The following CDH13 variants were observed in gnomAD, a reference collection of about 807,000 sequenced individuals.
The protein encoded by CDH13 is cadherin 13, also known as cadherin-13.
In CDH13, 24 loss-of-function variants were observed where a neutral mutation model predicts 63.8. That is an observed-to-expected ratio of 0.38 (90% CI 0.27 to 0.53). The LOEUF (loss-of-function observed/expected upper bound fraction) is 0.53, where lower values mean the gene tolerates loss of function less well. Ranked by LOEUF, CDH13 falls within the 20% of genes least tolerant of loss-of-function variation. The pLI, the probability that CDH13 is intolerant of heterozygous loss-of-function variation, is 0.85. For synonymous variants in CDH13, 503 were observed against 355.3 expected, an observed-to-expected ratio of 1.42 and a Z score of -4.67; for missense variants, 1,049 against 903.1, an observed-to-expected ratio of 1.16 and a Z score of -2.07.
intron 10 of CDH13, among the ~76,000 whole-genome samples, chr16:83,701,085 G>A (rs972268215): frequency 3.3e-5 from 5 of 152,298 alleles, no homozygotes; most frequent in South Asian, 2.1e-4. Context: ...CTAGACAGTC[G>A]TGTGAGTGCT....
At chr16:83,560,868 C>T (rs1412268833) in intron 7 of CDH13, among the ~76,000 whole-genome samples, 1 of 151,220 alleles carries the variant, frequency 6.6e-6, no homozygotes, top group Non-Finnish European at 1.5e-5. Flanking sequence ...AGCCATGGTG[C>T]TGTGGCAAGG....
At chr16:83,399,833 C>G (rs1447153434) in intron 6 of CDH13, among the ~76,000 whole-genome samples, 2 of 152,150 alleles carry the variant, frequency 1.3e-5, no homozygotes, top group Non-Finnish European at 2.9e-5. Context: ...GTGCCTCACA[C>G]AAGCAGGCAT....
intron 3 of CDH13, among the ~76,000 whole-genome samples, chr16:83,123,026 G>T (rs140227679): frequency 1.9e-4 from 29 of 152,084 alleles, no homozygotes; most frequent in African/African-American, 6.3e-4. Flanking sequence ...GAAAATATGC[G>T]GCATTTTTCT....
chr16:83,556,329 GA>G (rs2075601799), intron 7 of CDH13, among the ~76,000 whole-genome samples: 1 of 152,182 alleles, frequency 6.6e-6, no homozygotes, highest in African/African-American at 2.4e-5. Flanking sequence ...ATAGTATGAG[GA>G]AGCAGGAGGA....
intron 1 of CDH13, chr16:82,825,206 C>G (rs2038184752): frequency 6.6e-6 from 1 of 152,124 alleles, no homozygotes; most frequent in African/African-American, 2.4e-5. Flanking sequence ...TTTCCAAGGG[C>G]TTTTTATCGA....
chr16:83,322,031 G>C (rs556217589), intron 5 of CDH13, among the ~76,000 whole-genome samples: 1 of 152,298 alleles, frequency 6.6e-6, no homozygotes, highest in Admixed American at 6.5e-5. Context: ...GAGACAGCAG[G>C]GACTTCAGCA....
chr16:83,329,435 C>G (rs2090435923), intron 5 of CDH13, among the ~76,000 whole-genome samples: 1 of 151,390 alleles, frequency 6.6e-6, no homozygotes, highest in Admixed American at 6.6e-5. Flanking sequence ...TGGGGTTTCG[C>G]CATGTTGGCG....
At chr16:82,636,544 T>G (rs952295097) in intron 1 of CDH13, among the ~76,000 whole-genome samples, 4 of 152,230 alleles carry the variant, frequency 2.6e-5, no homozygotes, top group Non-Finnish European at 5.9e-5. Flanking sequence ...TCAGCAGCAC[T>G]GGAAATATGT....
At chr16:83,119,584 C>G (rs952612313) in intron 3 of CDH13, among the ~76,000 whole-genome samples, 2 of 152,200 alleles carry the variant, frequency 1.3e-5, no homozygotes, top group African/African-American at 4.8e-5. Flanking sequence ...GTAACTGTCT[C>G]TTGAATTGAT....
At position 82,995,538 on chromosome 16, in the gene CDH13, C is replaced by T. The variant is rs115570852; in HGVS notation, c.158-36472C>T. Among the ~76,000 whole-genome samples the T allele has an allele frequency of 8.7e-3, 1,331 of 152,276 alleles. 24 individuals carry two copies. The highest frequency in any genetic ancestry group is 0.03 in the African/African-American group (1,248 of 41,548). ...ATGGCAACAGGATGCATCCCCAATA[C>T]CATCAAGCCACCATTCCAATTCTGG... On this transcript the variant is annotated intron_variant, in intron 2 of 13. Coordinates refer to ENST00000567109, the MANE Select transcript of CDH13 (RefSeq NM_001257.5).
intron 6 of CDH13, among the ~76,000 whole-genome samples, chr16:83,444,521 C>T (rs935225909): frequency 6.6e-6 from 1 of 152,120 alleles, no homozygotes; most frequent in Non-Finnish European, 1.5e-5. Context: ...CAAGGGCACC[C>T]ACCTGATGAG....
chr16:82,839,321 G>A (rs948012957), intron 1 of CDH13, among the ~76,000 whole-genome samples: 1 of 152,190 alleles, frequency 6.6e-6, no homozygotes, highest in Admixed American at 6.5e-5. Context: ...TTACTGGCAT[G>A]TTGCTTTATG....
At chr16:83,092,545 A>G (rs969824658) in intron 3 of CDH13, among the ~76,000 whole-genome samples, 8 of 152,250 alleles carry the variant, frequency 5.3e-5, no homozygotes, top group Non-Finnish European at 7.3e-5. Flanking sequence ...TTGCAAATCA[A>G]TAGAAGCTTT....
intron 11 of CDH13, among the ~76,000 whole-genome samples, chr16:83,774,571 G>A (rs572999683): frequency 3.9e-5 from 6 of 152,136 alleles, no homozygotes; most frequent in African/African-American, 4.8e-5. Context: ...ACAGGGTTTC[G>A]CCATGTTGGC....
chr16:82,874,536 C>A (rs1415902200), intron 2 of CDH13, among the ~76,000 whole-genome samples: 1 of 151,994 alleles, frequency 6.6e-6, no homozygotes, highest in Non-Finnish European at 1.5e-5. Context: ...CTTCTCTTAA[C>A]TGTGCCTGTC....
At chr16:83,427,352 T>A (rs545522668) in intron 6 of CDH13, among the ~76,000 whole-genome samples, 41 of 151,744 alleles carry the variant, frequency 2.7e-4, no homozygotes, top group African/African-American at 9.7e-4. Context: ...TAGAGGAGGG[T>A]CAGAGAAAGA....
Position 83,701,903 on chromosome 16 carries a change from G to A in CDH13, c.1538+23442G>A, listed in dbSNP as rs144382765. Among the ~76,000 whole-genome samples the A allele has an allele frequency of 4.1e-4, 63 of 152,316 alleles. 2 individuals carry two copies. In the East Asian group the frequency reaches 0.01, roughly 25 times the overall value. ...CTGGCAGCAGAGTAACACTGAGGTT[G>A]ATGTCCAGCTCTGCCATTGAGGGTT... On this transcript the variant is annotated intron_variant, in intron 10 of 13. Coordinates refer to ENST00000567109, the MANE Select transcript of CDH13 (RefSeq NM_001257.5).
chr16:82,740,482 G>C (rs552266345), intron 1 of CDH13, among the ~76,000 whole-genome samples: 1 of 152,156 alleles, frequency 6.6e-6, no homozygotes, highest in Non-Finnish European at 1.5e-5. Flanking sequence ...CCAGTGTATC[G>C]GTTAGCCGTT....
At chr16:83,124,644 T>G (rs909047480) in intron 3 of CDH13, among the ~76,000 whole-genome samples, 4 of 151,964 alleles carry the variant, frequency 2.6e-5, no homozygotes, top group Admixed American at 6.6e-5. Context: ...TAGTTGCAGG[T>G]CTTATGTTTA....
Sources: gnomAD v4.1 joint callset for allele counts (sites outside exome capture counted in the v4.1 genomes callset) on GRCh38, gnomAD v4.1.1 for gene constraint, MANE v1.5 for transcripts, NCBI Gene and HGNC (gene_info 2026-07-23, HGNC 2026-07-21) for gene names.